JMY: variants seen among roughly 807,000 people sequenced by gnomAD.
JMY encodes junction-mediating and -regulatory protein.
JMY carries 46 observed loss-of-function variants against 103.3 expected under a neutral mutation model. The ratio of observed to expected loss-of-function variants is 0.45; its 90% CI spans 0.35 to 0.57. The LOEUF (loss-of-function observed/expected upper bound fraction) is 0.57. Ranked by LOEUF, JMY falls within the 20% of genes least tolerant of loss-of-function variation. The pLI, the probability that JMY is intolerant of heterozygous loss-of-function variation, is 0.00. For missense variants in JMY, 1,238 were observed against 1,255.2 expected (o/e 0.99, Z 0.21); for synonymous variants, 526 against 489.3 (o/e 1.07, Z -0.99).
rs1186557242 is a variant in JMY at position 79,277,984 on chromosome 5, C to T, written c.1107C>T (p.Tyr369=). 2 of 1,613,934 alleles carry T rather than the reference C, an allele frequency of 1.2e-6. No homozygotes were observed. Among genetic ancestry groups the T allele is most frequent in the African/African-American group, 1.3e-5 (1 of 74,922 alleles). The part of the protein sequence containing the change: ...LDLYQMEDEA[Y]SSLAEATTEL... ...TGTATCAGATGGAGGATGAAGCCTA[C>T]AGCAGCCTTGCAGAAGCTACAACCG... Residue 369 remains tyrosine, a synonymous_variant, in exon 2 of 11, where the codon TAC becomes TAT. Coordinates refer to ENST00000396137, the MANE Select transcript of JMY (RefSeq NM_152405.5).
chr5:79,273,887 A>G (rs143731623), intron 1 of JMY, among the ~76,000 whole-genome samples: 3,143 of 151,908 alleles, frequency 0.021, 118 homozygotes, highest in African/African-American at 0.068. Context: ...CTGGAGTGCA[A>G]TGGCGCTATC....
intron 2 of JMY, among the ~76,000 whole-genome samples, chr5:79,278,286 G>T (rs1467016314): frequency 6.6e-6 from 1 of 152,044 alleles, no homozygotes; most frequent in Non-Finnish European, 1.5e-5. Flanking sequence ...CAATTCTGCT[G>T]AGTAGCCAGG....
Position 79,300,278 on chromosome 5 carries a change from A to C in JMY, c.1653A>C (p.Leu551=). 6.3e-7 allele frequency: 1 copy of C among 1,592,206 alleles called. No individual in the cohort carries two copies. The highest frequency in any genetic ancestry group is 8.5e-7 in the Non-Finnish European group (1 of 1,171,220). ...QFEILKCEEL[L]LTAQLESIKR... is the part of the protein sequence containing the mutation. ...AAATCTTGAAGTGTGAAGAGTTACTATTGACAGCGCAACTAGAAAGCATCA... is the reference window on the plus strand; with the variant it reads ...AAATCTTGAAGTGTGAAGAGTTACTCTTGACAGCGCAACTAGAAAGCATCA... Residue 551 remains leucine (L), a synonymous_variant, in exon 5 of 11, where the codon CTA becomes CTC. Coordinates refer to ENST00000396137, the MANE Select transcript of JMY (RefSeq NM_152405.5).
At chr5:79,257,159 A>G (rs1451406065) in intron 1 of JMY, among the ~76,000 whole-genome samples, 2 of 149,426 alleles carry the variant, frequency 1.3e-5, no homozygotes, top group Non-Finnish European at 3.0e-5. Flanking sequence ...TGCAATCTTT[A>G]CCTCCCAGGT....
At chr5:79,299,461 C>G (rs552609267) in intron 4 of JMY, among the ~76,000 whole-genome samples, 3 of 151,762 alleles carry the variant, frequency 2.0e-5, no homozygotes, top group Non-Finnish European at 4.4e-5. Context: ...AAAATTTTCC[C>G]ACTCCAGCAC....
intron 1 of JMY, among the ~76,000 whole-genome samples, chr5:79,244,367 A>G (rs1024246834): frequency 1.3e-5 from 2 of 152,126 alleles, no homozygotes; most frequent in Non-Finnish European, 2.9e-5. Flanking sequence ...AACTTAGACA[A>G]CACTTCAGTG....
At chr5:79,318,757 TATATAGAGAG>T (rs1394789814) in intron 10 of JMY, among the ~76,000 whole-genome samples, 2 of 24,696 alleles carry the variant, frequency 8.1e-5, no homozygotes, top group Admixed American at 4.1e-4. Flanking sequence ...TATATATATA[TATATAGAGAG>T]AGAGAGAGAG....
intron 6 of JMY, 43 bp downstream of exon 6, chr5:79,300,906 G>GT (rs756791434): frequency 1.9e-5 from 28 of 1,463,154 alleles, no homozygotes; most frequent in Admixed American, 2.1e-5. Flanking sequence ...TCTTTTATCC[G>GT]TATCTACTAA....
chr5:79,275,408 A>G (rs565508921), intron 1 of JMY, among the ~76,000 whole-genome samples: 2 of 152,038 alleles, frequency 1.3e-5, no homozygotes, highest in Admixed American at 6.5e-5. Flanking sequence ...TGATCCACCC[A>G]TCTTGGCCTC....
In JMY at chr5:79,237,652, G is replaced by A. The variant is rs754996836; in HGVS notation, c.1002G>A (p.Val334=). 5 of 1,613,504 alleles carry A rather than the reference G, an allele frequency of 3.1e-6. No individual in the cohort carries two copies. The highest frequency in any genetic ancestry group is 3.3e-5 in the Admixed American group (2 of 59,986). The change falls in exon 1 of 11, where the codon GTG becomes GTA. Residue 334 remains valine, a synonymous_variant. Coordinates refer to ENST00000396137, the MANE Select transcript of JMY (RefSeq NM_152405.5). The part of the protein sequence containing the change: ...SELRQKGYEE[V]LQRARKRIQE... ...TGCGGCAGAAGGGCTACGAAGAAGTGCTTCAGCGGGCCAGGAAGCGCATCC... is the reference window on the plus strand; with the variant it reads ...TGCGGCAGAAGGGCTACGAAGAAGTACTTCAGCGGGCCAGGAAGCGCATCC...
At chr5:79,255,349 G>A (rs1435317765) in intron 1 of JMY, among the ~76,000 whole-genome samples, 1 of 151,952 alleles carries the variant, frequency 6.6e-6, no homozygotes, top group Non-Finnish European at 1.5e-5. Context: ...TGCTTGCCTC[G>A]GCCTCCCAAA....
chr5:79,318,336 G>C (rs891920820), intron 10 of JMY, among the ~76,000 whole-genome samples: 3 of 152,062 alleles, frequency 2.0e-5, no homozygotes, highest in African/African-American at 4.8e-5. Flanking sequence ...ATTCTGAGTA[G>C]ATCTAATGTA....
At chr5:79,238,594 A>G (rs555594869) in intron 1 of JMY, among the ~76,000 whole-genome samples, 75 of 151,810 alleles carry the variant, frequency 4.9e-4, no homozygotes, top group Admixed American at 2.8e-3. Flanking sequence ...TACTGTTTTT[A>G]CTATTAATGC....
rs1747443533 is a variant in JMY, at chr5:79,321,372, T to C, written c.*4-234T>C. Among the ~76,000 whole-genome samples the C allele has an allele frequency of 2.6e-5, 4 of 152,218 alleles. No homozygotes were observed. In the South Asian group the frequency reaches 8.3e-4, roughly 32 times the overall value. On this transcript the variant is annotated intron_variant, in intron 10 of 10. Transcript: ENST00000396137. The stretch of plus-strand genomic sequence containing the variant: ...TTAGACTGAATTTACCTTTTTAGTA[T>C]ATAGTTTTCATACAGTGTTAGAGTA...
chr5:79,304,465 G>A (rs1746824143), intron 6 of JMY, among the ~76,000 whole-genome samples: 1 of 151,982 alleles, frequency 6.6e-6, no homozygotes, highest in Non-Finnish European at 1.5e-5. Flanking sequence ...GTGGAGATAG[G>A]TGGTCCCCGG....
At chr5:79,318,761 TAGAG>T (rs3081332) in intron 10 of JMY, among the ~76,000 whole-genome samples, 914 of 53,102 alleles carry the variant, frequency 0.017, 7 homozygotes, top group Middle Eastern at 0.034. Flanking sequence ...TATATATATA[TAGAG>T]AGAGAGAGAG....
chr5:79,300,824 A>G lies in JMY; in HGVS notation c.1842A>G (p.Gly614=), dbSNP rs913589963. The change falls in exon 6 of 11, where the codon GGA becomes GGG. Residue 614 remains glycine (G), a synonymous_variant. Coordinates refer to ENST00000396137, the MANE Select transcript of JMY (RefSeq NM_152405.5). Reference sequence around the variant, plus strand: ...CACGCCAGCTGGAAGCAAGACGTGGACGGGTTTCTGCCAAGAAATCCTACC... The same window carrying G: ...CACGCCAGCTGGAAGCAAGACGTGGGCGGGTTTCTGCCAAGAAATCCTACC... ...QKARQLEARR[G]RVSAKKSYLR... The G allele has an allele frequency of 6.2e-7, 1 of 1,603,362 alleles. No individual in the cohort carries two copies. The highest frequency in any genetic ancestry group is 8.5e-7 in the Non-Finnish European group (1 of 1,176,822).
At chr5:79,300,997 A>G (rs1746717874) in intron 6 of JMY, 134 bp downstream of exon 6, 4 of 677,338 alleles carry the variant, frequency 5.9e-6, no homozygotes, top group Non-Finnish European at 9.7e-6. Context: ...CAATGCGTTT[A>G]TAGTGCTCTG....
chr5:79,242,086 A>G lies in JMY; in HGVS notation c.1032+4404A>G, dbSNP rs532621939. Among the ~76,000 whole-genome samples the G allele has an allele frequency of 8.5e-5, 13 of 152,352 alleles. No individual in the cohort carries two copies. The East Asian group carries it at 2.5e-3, about 29-fold the overall frequency. ...TAGGCTTGATTAAGATCTAATCATC[A>G]GTGTTCATTTTGGAATTTATTATGT... is the stretch of plus-strand genomic sequence containing the variant. On this transcript the variant is annotated intron_variant, in intron 1 of 10. Transcript: ENST00000396137.
Sources: allele counts gnomAD v4.1 joint callset (sites outside exome capture counted in the v4.1 genomes callset), GRCh38; gene constraint gnomAD v4.1.1; transcripts MANE v1.5; gene names NCBI Gene and HGNC (gene_info 2026-07-23, HGNC 2026-07-21).